The following AKAP12 variants were observed in gnomAD, a reference collection of about 807,000 sequenced individuals.
AKAP12 encodes A-kinase anchoring protein 12, also known as A-kinase anchor protein 12.
Under a neutral mutation model 79.9 loss-of-function variants are expected in AKAP12, and 32 were observed. The ratio of observed to expected loss-of-function variants is 0.40; its 90% CI spans 0.30 to 0.54. AKAP12 has a LOEUF of 0.54. AKAP12 is among the 20% of genes least tolerant of loss of function. The probability of loss-of-function intolerance (pLI) is 0.48; values close to 1 mark genes in which losing one functional copy is unlikely to be tolerated. For synonymous variants in AKAP12, 808 were observed against 857.0 expected (o/e 0.94, Z 1.00); for missense variants, 2,074 against 2,177.0 (o/e 0.95, Z 0.94).
At chr6:151,288,504 A>T (rs1346684849) in intron 2 of AKAP12, among the ~76,000 whole-genome samples, 1 of 152,194 alleles carries the variant, frequency 6.6e-6, no homozygotes, top group Non-Finnish European at 1.5e-5. Flanking sequence ...AGAGCAAGAC[A>T]TCGTCTCAAA....
At chr6:151,246,412 C>T (rs113330241) in intron 2 of AKAP12, among the ~76,000 whole-genome samples, 5,061 of 152,124 alleles carry the variant, frequency 0.033, 292 homozygotes, top group African/African-American at 0.12. Flanking sequence ...TGCAAGACTC[C>T]GTCTCAAAAA....
At chr6:151,316,961 C>T (rs1167209902) in intron 3 of AKAP12, among the ~76,000 whole-genome samples, 2 of 152,140 alleles carry the variant, frequency 1.3e-5, no homozygotes, top group African/African-American at 4.8e-5. Context: ...TTATTAGGGC[C>T]CAGGCTAATG....
rs766494880 is a variant in AKAP12, at chr6:151,353,087, G to A, written c.4696G>A (p.Glu1566Lys). 9.3e-6 allele frequency: 15 copies of A among 1,614,062 alleles called. No individual in the cohort carries two copies. The South Asian group carries it at 1.5e-4, about 17-fold the overall frequency. The change falls in exon 4 of 5, where the codon GAA becomes AAA. Residue 1566 changes from glutamate (E) to lysine (K), a missense_variant. Coordinates refer to ENST00000402676, the MANE Select transcript of AKAP12 (RefSeq NM_005100.4). The stretch of plus-strand genomic sequence containing the variant: ...CGTTGACCAGTTTGTACGTACAGAA[G>A]AAACAGCCACCGAAATGTTGACGTC... ...TAVDQFVRTE[E>K]TATEMLTSEL... is the part of the protein sequence containing the mutation.
chr6:151,320,101 T>C (rs560126000), intron 3 of AKAP12, among the ~76,000 whole-genome samples: 1 of 152,250 alleles, frequency 6.6e-6, no homozygotes, highest in South Asian at 2.1e-4. Flanking sequence ...CTAAGCATCC[T>C]TGGAGGAAGT....
intron 3 of AKAP12, among the ~76,000 whole-genome samples, chr6:151,330,732 GT>G (rs202056303): frequency 3.3e-4 from 50 of 151,264 alleles, no homozygotes; most frequent in Non-Finnish European, 6.1e-4. Context: ...TTCCTTTAAA[GT>G]TTTTTTTTCT....
In AKAP12 at chr6:151,256,719, G is replaced by A. The variant is rs1797305263; in HGVS notation, c.162+15995G>A. Reference sequence around the variant, plus strand: ...GCCTGGAGTGCAGTGACGCGATCTCGGCTCACTGCAACCTCCACCTCCCAG... The same window carrying A: ...GCCTGGAGTGCAGTGACGCGATCTCAGCTCACTGCAACCTCCACCTCCCAG... On this transcript the variant is annotated intron_variant, in intron 2 of 4. Transcript: ENST00000402676. 2.6e-5 allele frequency among the ~76,000 whole-genome samples: 4 copies of A among 151,300 alleles called. No homozygotes were observed. The South Asian group carries it at 8.4e-4, about 32-fold the overall frequency.
chr6:151,277,460 C>T (rs1776308922), intron 2 of AKAP12, among the ~76,000 whole-genome samples: 1 of 152,244 alleles, frequency 6.6e-6, no homozygotes, highest in African/African-American at 2.4e-5. Flanking sequence ...TTCTAAACAT[C>T]TAGATGTTTC....
At chr6:151,256,047 T>C (rs9322308) in intron 2 of AKAP12, among the ~76,000 whole-genome samples, 90,348 of 151,740 alleles carry the variant, frequency 0.6, 28,459 homozygotes, top group African/African-American at 0.81. Flanking sequence ...AATCCGACAG[T>C]GCTCAGAGAT....
At chr6:151,284,511 C>G (rs1447604641) in intron 2 of AKAP12, among the ~76,000 whole-genome samples, 1 of 152,058 alleles carries the variant, frequency 6.6e-6, no homozygotes, top group Non-Finnish European at 1.5e-5. Flanking sequence ...GCCTGTAGTC[C>G]CAGCTACTTG....
rs543544619 is a variant in AKAP12, at chr6:151,266,925, G to A, written c.162+26201G>A. Among the ~76,000 whole-genome samples the A allele has an allele frequency of 5.7e-4, 84 of 148,064 alleles. No homozygotes were observed. The Middle Eastern group carries it at 0.018, about 31-fold the overall frequency. Reference sequence around the variant, plus strand: ...GGAGATACTCAGGAGGCTGAGGCAGGAGAATGGCGTGAACCCGGGAGGTGG... The same window carrying A: ...GGAGATACTCAGGAGGCTGAGGCAGAAGAATGGCGTGAACCCGGGAGGTGG... On this transcript the variant is annotated intron_variant, in intron 2 of 4. Transcript: ENST00000402676.
At chr6:151,314,947 G>A (rs1268611758) in intron 3 of AKAP12, among the ~76,000 whole-genome samples, 4 of 151,930 alleles carry the variant, frequency 2.6e-5, no homozygotes, top group Non-Finnish European at 5.9e-5. Flanking sequence ...AGCTATTCGG[G>A]AGGCTGAGGC....
intron 2 of AKAP12, among the ~76,000 whole-genome samples, chr6:151,269,726 T>A (rs1776141868): frequency 6.6e-6 from 1 of 152,216 alleles, no homozygotes; most frequent in African/African-American, 2.4e-5. Context: ...GATAACTTTG[T>A]TAAGATAATA....
At chr6:151,270,663 C>T (rs1038064301) in intron 2 of AKAP12, among the ~76,000 whole-genome samples, 1 of 152,140 alleles carries the variant, frequency 6.6e-6, no homozygotes, top group Non-Finnish European at 1.5e-5. Context: ...TTGAGGGTTC[C>T]AATTTCTCTA....
intron 3 of AKAP12, 31 bp from the exon 4 acceptor site, chr6:151,348,680 T>TCCCCCCCCCCCCCCC: frequency 2.8e-6 from 1 of 355,202 alleles, no homozygotes; most frequent in Non-Finnish European, 5.5e-6. Context: ...TTTTCTCTTC[T>TCCCCCCCCCCCCCCC]CCCCACCCCC....
intron 2 of AKAP12, among the ~76,000 whole-genome samples, chr6:151,244,522 TCAAAGAAACAAA>T (rs1562703732): frequency 1.5e-5 from 2 of 136,452 alleles, no homozygotes; most frequent in African/African-American, 5.4e-5. Context: ...AGACTCTGTC[TCAAAGAAACAAA>T]CAAACAAACA....
At chr6:151,320,928 T>C (rs908245833) in intron 3 of AKAP12, among the ~76,000 whole-genome samples, 11 of 152,264 alleles carry the variant, frequency 7.2e-5, no homozygotes, top group African/African-American at 2.6e-4. Flanking sequence ...TGGTTTTTGC[T>C]ATATTCACAG....
In AKAP12 at chr6:151,352,409, C is replaced by A; in HGVS notation, c.4018C>A (p.Gln1340Lys). Residue 1340 changes from glutamine to lysine, a missense_variant, in exon 4 of 5, where the codon CAA (glutamine) becomes AAA (lysine). Transcript: ENST00000402676. ...PSPVEREMVV[Q>K]VEREKTEAEP... ...CCCCGTGGAGAGAGAGATGGTAGTT[C>A]AAGTCGAAAGGGAGAAAACAGAAGC... 1 of 1,614,004 alleles carries A rather than the reference C, an allele frequency of 6.2e-7. No homozygotes were observed. The highest frequency in any genetic ancestry group is 8.5e-7 in the Non-Finnish European group (1 of 1,180,006).
intron 3 of AKAP12, chr6:151,323,625 A>G (rs1305907658): frequency 1.2e-6 from 1 of 838,732 alleles, no homozygotes; most frequent in Non-Finnish European, 1.4e-6. Context: ...TTTCAGTGCC[A>G]AAACTGAACA....
intron 3 of AKAP12, among the ~76,000 whole-genome samples, chr6:151,318,857 C>T (rs556856714): frequency 6.6e-6 from 1 of 152,298 alleles, no homozygotes. Flanking sequence ...GCAGGAGAAT[C>T]GCTTGAGCCC....
Sources: gnomAD v4.1 joint callset for allele counts (sites outside exome capture counted in the v4.1 genomes callset) on GRCh38, gnomAD v4.1.1 for gene constraint, MANE v1.5 for transcripts, NCBI Gene and HGNC (gene_info 2026-07-23, HGNC 2026-07-21) for gene names.